DDIAS: variants seen among roughly 807,000 people sequenced by gnomAD.
DDIAS encodes DNA damage induced apoptosis suppressor, also known as DNA damage-induced apoptosis suppressor protein.
A neutral mutation model predicts 15.7 loss-of-function variants in DDIAS; 14 were observed. The ratio of observed to expected loss-of-function variants is 0.89; its 90% CI spans 0.59 to 1.39. The LOEUF is 1.39. Among genes scored for constraint, DDIAS ranks in the 40% most tolerant of loss-of-function variants. DDIAS has a pLI of 0.00. For missense variants in DDIAS, 1,035 were observed against 1,130.9 expected (o/e 0.92, Z 1.22); for synonymous variants, 355 against 395.9 (o/e 0.90, Z 1.23).
At chr11:82,928,576 GTTTAA>G (rs931138255) in intron 3 of DDIAS, among the ~76,000 whole-genome samples, 196 bp from the exon 4 acceptor site, 32 of 152,086 alleles carry the variant, frequency 2.1e-4, no homozygotes, top group African/African-American at 4.1e-4. Context: ...ACTTGGGGCT[GTTTAA>G]TTTAAATCAG....
At chr11:82,914,118 G>A (rs7124273) in intron 2 of DDIAS, 160,698 of 311,658 alleles carry the variant, frequency 0.52, 42,448 homozygotes, top group African/African-American at 0.7. Context: ...TGTATTTAGT[G>A]GAGATGGGGT....
chr11:82,933,708 A>G lies in DDIAS; in HGVS notation c.2370A>G (p.Arg790=), dbSNP rs1214863566. The stretch of plus-strand genomic sequence containing the variant: ...AAACAAGAATTCATGGGATAAACAG[A>G]GCTTTCAAAAAACCTGTATTTTATT... ...FHQTRIHGIN[R]AFKKPVFYSD... The change falls in exon 6 of 6, where the codon AGA becomes AGG. Residue 790 remains arginine (R), a synonymous_variant. Coordinates refer to ENST00000533655, the MANE Select transcript of DDIAS (RefSeq NM_145018.4). 1 of 1,613,626 alleles carries G rather than the reference A, an allele frequency of 6.2e-7. No individual in the cohort carries two copies. The highest frequency in any genetic ancestry group is 2.2e-5 in the East Asian group (1 of 44,874).
chr11:82,928,107 G>A (rs1396662282), intron 3 of DDIAS, among the ~76,000 whole-genome samples: 1 of 148,692 alleles, frequency 6.7e-6, no homozygotes, highest in Non-Finnish European at 1.5e-5. Context: ...TTTCATTATG[G>A]TGAGAAAAAT....
intron 1 of DDIAS, among the ~76,000 whole-genome samples, chr11:82,906,181 A>G (rs1345225032): frequency 6.6e-6 from 1 of 152,192 alleles, no homozygotes; most frequent in African/African-American, 2.4e-5. Context: ...ATTAATTAAC[A>G]GTAACTGTCT....
Position 82,933,216 on chromosome 11 carries a change from A to C in DDIAS, c.1878A>C (p.Thr626=), listed in dbSNP as rs751666947. The C allele has an allele frequency of 4.3e-6, 7 of 1,611,726 alleles. No homozygotes were observed. The highest frequency in any genetic ancestry group is 5.1e-6 in the Non-Finnish European group (6 of 1,179,570). ...RWSKNQDDSF[T]ICRKLTYPLE... ...CCAAGAACCAAGATGACAGTTTTACAATTTGCAGGAAACTTACATATCCTT... is the reference window on the plus strand; with the variant it reads ...CCAAGAACCAAGATGACAGTTTTACCATTTGCAGGAAACTTACATATCCTT... The change falls in exon 6 of 6, where the codon ACA becomes ACC. Residue 626 remains threonine (T), a synonymous_variant. Transcript: ENST00000533655.
intron 1 of DDIAS, among the ~76,000 whole-genome samples, chr11:82,908,157 G>A (rs1222929358): frequency 6.6e-6 from 1 of 152,190 alleles, no homozygotes; most frequent in East Asian, 1.9e-4. Flanking sequence ...ACTATTCCAA[G>A]ACCTAAGGGA....
chr11:82,929,551 A>C (rs1860940138), intron 4 of DDIAS, among the ~76,000 whole-genome samples: 1 of 152,012 alleles, frequency 6.6e-6, no homozygotes, highest in Non-Finnish European at 1.5e-5. Context: ...AAAATACAAA[A>C]AATTAGCTGG....
chr11:82,918,752 T>C (rs554592665), intron 3 of DDIAS, among the ~76,000 whole-genome samples: 4 of 152,298 alleles, frequency 2.6e-5, no homozygotes, highest in Admixed American at 2.6e-4. Flanking sequence ...CTTTCAGCAA[T>C]GTTTTGTAGT....
intron 3 of DDIAS, among the ~76,000 whole-genome samples, chr11:82,927,609 T>C (rs1860888880): frequency 7.1e-6 from 1 of 141,192 alleles, no homozygotes; most frequent in South Asian, 2.3e-4. Flanking sequence ...CATAAAATGT[T>C]TTTAGGTGCT....
intron 1 of DDIAS, among the ~76,000 whole-genome samples, chr11:82,911,164 G>A (rs1860524674): frequency 6.6e-6 from 1 of 152,172 alleles, no homozygotes; most frequent in Non-Finnish European, 1.5e-5. Flanking sequence ...GCTTGGGGTG[G>A]TGGTTGCTGA....
intron 5 of DDIAS, among the ~76,000 whole-genome samples, chr11:82,931,274 C>T (rs554056589): frequency 1.4e-4 from 22 of 152,262 alleles, no homozygotes; most frequent in African/African-American, 5.3e-4. Context: ...GCTACTTTGC[C>T]TATAAAACTA....
intron 3 of DDIAS, among the ~76,000 whole-genome samples, chr11:82,916,757 A>G (rs1194039127): frequency 1.3e-5 from 2 of 152,192 alleles, no homozygotes; most frequent in African/African-American, 2.4e-5. Flanking sequence ...CAATAGCCCT[A>G]TGAAGTGAAT....
intron 1 of DDIAS, chr11:82,909,191 T>C (rs1473237740): frequency 6.6e-6 from 1 of 152,044 alleles, no homozygotes; most frequent in African/African-American, 2.4e-5. Context: ...AAACAAGGGG[T>C]GGATTATTTG....
At chr11:82,922,427 G>A (rs1027036369) in intron 3 of DDIAS, among the ~76,000 whole-genome samples, 23 of 152,012 alleles carry the variant, frequency 1.5e-4, no homozygotes, top group African/African-American at 4.6e-4. Flanking sequence ...TTTTCTTTGT[G>A]TTTGTTGGAT....
intron 3 of DDIAS, among the ~76,000 whole-genome samples, chr11:82,923,418 C>G (rs1178252401): frequency 6.6e-6 from 1 of 152,212 alleles, no homozygotes; most frequent in Non-Finnish European, 1.5e-5. Flanking sequence ...GAGTTCCATG[C>G]TCTTGCCTTT....
chr11:82,917,878 T>G (rs1325374369), intron 3 of DDIAS, among the ~76,000 whole-genome samples: 2 of 152,240 alleles, frequency 1.3e-5, no homozygotes, highest in African/African-American at 4.8e-5. Flanking sequence ...GATTTTGATT[T>G]GTATTTCCCT....
chr11:82,925,912 C>G (rs1860851204), intron 3 of DDIAS, among the ~76,000 whole-genome samples: 1 of 151,352 alleles, frequency 6.6e-6, no homozygotes, highest in South Asian at 2.1e-4. Context: ...CGCCTGAACC[C>G]AAGAGGTGGA....
At chr11:82,916,665 A>G (rs1278017700) in intron 3 of DDIAS, among the ~76,000 whole-genome samples, 1 of 152,206 alleles carries the variant, frequency 6.6e-6, no homozygotes, top group Non-Finnish European at 1.5e-5. Context: ...TAGACGGGTA[A>G]TACCAGTAGA....
At chr11:82,904,438 A>G (rs1860385919) in intron 1 of DDIAS, among the ~76,000 whole-genome samples, 1 of 152,168 alleles carries the variant, frequency 6.6e-6, no homozygotes, top group South Asian at 2.1e-4. Context: ...AAGCTGAAAG[A>G]TCACCAAATA....
Sources: allele counts gnomAD v4.1 joint callset (sites outside exome capture counted in the v4.1 genomes callset), GRCh38; gene constraint gnomAD v4.1.1; transcripts MANE v1.5; gene names NCBI Gene and HGNC (gene_info 2026-07-23, HGNC 2026-07-21).